Variants in ACSM5 observed in about 807,000 individuals in gnomAD.
The protein encoded by ACSM5 is acyl-CoA synthetase medium chain family member 5, also known as acyl-coenzyme A synthetase ACSM5, mitochondrial.
In ACSM5, 56 loss-of-function variants were observed where a neutral mutation model predicts 71.6. That is an observed-to-expected ratio of 0.78 (90% CI 0.63 to 0.98). The LOEUF is 0.98. Among genes scored for constraint, ACSM5 ranks in the 50% least tolerant of loss-of-function variants. The probability of loss-of-function intolerance (pLI) is 0.00; values close to 1 mark genes in which losing one functional copy is unlikely to be tolerated. For synonymous variants in ACSM5, 285 were observed against 281.5 expected (o/e 1.01, Z -0.12); for missense variants, 723 against 726.0 (o/e 1.00, Z 0.05).
At chr16:20,418,031 T>C (rs752448217) in intron 2 of ACSM5, 28 bp from the exon 3 acceptor site, 10 of 1,589,104 alleles carry the variant, frequency 6.3e-6, no homozygotes, top group Non-Finnish European at 7.7e-6. Flanking sequence ...AATTGCTTCT[T>C]TTTTTTTCTG....
At chr16:20,420,584 A>G (rs368222070) in intron 4 of ACSM5, among the ~76,000 whole-genome samples, 6 of 152,174 alleles carry the variant, frequency 3.9e-5, no homozygotes, top group Admixed American at 1.3e-4. Flanking sequence ...TGGGCAACAA[A>G]AGCGAAACAC....
intron 3 of ACSM5, 55 bp from the exon 4 acceptor site, chr16:20,419,173 T>C (rs1966866140): frequency 6.4e-7 from 1 of 1,573,222 alleles, no homozygotes; most frequent in African/African-American, 1.3e-5. Flanking sequence ...CTCTTACCTC[T>C]ATACCCAAGG....
At chr16:20,423,550 A>G (rs1415802379) in intron 5 of ACSM5, among the ~76,000 whole-genome samples, 2 of 152,232 alleles carry the variant, frequency 1.3e-5, no homozygotes, top group Non-Finnish European at 2.9e-5. Flanking sequence ...AAGGCCCTCA[A>G]AGCAAGACTA....
intron 5 of ACSM5, among the ~76,000 whole-genome samples, chr16:20,421,840 C>T (rs947116492): frequency 4.0e-5 from 6 of 151,406 alleles, no homozygotes; most frequent in Non-Finnish European, 5.9e-5. Context: ...GAACTGTGCC[C>T]CCATTACCCA....
Position 20,439,890 on chromosome 16 carries a change from G to A in ACSM5, c.1627G>A (p.Val543Met). ...TRELQEHVKR[V>M]TAPYKYPRKV... ...GGAACTCCAGGAGCATGTGAAAAGG[G>A]TGACTGCTCCATACAAATACCCCAG... The change falls in exon 13 of 14, where the codon GTG (valine) becomes ATG (methionine). Residue 543 changes from valine to methionine, a missense_variant. Physicochemically the swap from Val to Met is conservative, Grantham distance 21. Transcript: ENST00000331849. 1 of 1,612,434 alleles carries A rather than the reference G, an allele frequency of 6.2e-7. No individual in the cohort carries two copies. The highest frequency in any genetic ancestry group is 2.2e-5 in the East Asian group (1 of 44,890).
intron 10 of ACSM5, among the ~76,000 whole-genome samples, chr16:20,434,015 GTTTGT>G (rs1341677682): frequency 1.3e-5 from 2 of 151,964 alleles, no homozygotes; most frequent in African/African-American, 4.8e-5. Flanking sequence ...TCGGTCCTTT[GTTTGT>G]TTTAAGAGTT....
rs746828851 is a variant in ACSM5 at position 20,411,532 on chromosome 16, C to T, written c.48C>T (p.Ser16=). The change falls in exon 2 of 14, where the codon TCC becomes TCT. Residue 16 remains serine (S), a synonymous_variant. Transcript: ENST00000331849. ...RHLVLQALRN[S]RAFCGSHGKP... Reference sequence around the variant, plus strand: ...TAGTCCTCCAGGCACTGAGGAACTCCAGGGCATTCTGTGGGTCTCATGGGA... The same window carrying T: ...TAGTCCTCCAGGCACTGAGGAACTCTAGGGCATTCTGTGGGTCTCATGGGA... 2.6e-5 allele frequency: 42 copies of T among 1,614,056 alleles called. No individual in the cohort carries two copies. The highest frequency in any genetic ancestry group is 1.6e-4 in the Middle Eastern group (1 of 6,082).
chr16:20,440,079 G>A (rs1370521483), intron 13 of ACSM5, among the ~76,000 whole-genome samples, 160 bp downstream of exon 13: 1 of 151,620 alleles, frequency 6.6e-6, no homozygotes, highest in Non-Finnish European at 1.5e-5. Flanking sequence ...TTCTTCACTT[G>A]GATTCTCCCC....
intron 6 of ACSM5, among the ~76,000 whole-genome samples, chr16:20,425,945 C>T (rs1966970236): frequency 6.6e-6 from 1 of 152,154 alleles, no homozygotes; most frequent in African/African-American, 2.4e-5. Flanking sequence ...GATAGATGCC[C>T]AGAAGTGGGA....
Position 20,427,863 on chromosome 16 carries a change from A to T in ACSM5, c.997A>T (p.Thr333Ser). 1 of 1,612,906 alleles carries T rather than the reference A, an allele frequency of 6.2e-7. No individual in the cohort carries two copies. The highest frequency in any genetic ancestry group is 8.5e-7 in the Non-Finnish European group (1 of 1,178,984). ...IFRLLVQEDL[T>S]RYQFQSLRHC... ...TCGGCTGCTTGTGCAGGAGGATCTG[A>T]CCAGGTACAGCCCGTCTATTTCGTG... Residue 333 changes from threonine (T) to serine (S), a missense_variant, in exon 7 of 14, where the codon ACC (threonine) becomes TCC (serine). Physicochemically the swap from Thr to Ser is moderately conservative, Grantham distance 58. Transcript: ENST00000331849.
intron 2 of ACSM5, among the ~76,000 whole-genome samples, chr16:20,412,937 G>A (rs1343897355): frequency 6.6e-6 from 1 of 152,158 alleles, no homozygotes; most frequent in Non-Finnish European, 1.5e-5. Flanking sequence ...TATGAAGGTG[G>A]TATGAGGATG....
At chr16:20,416,163 T>A (rs530065236) in intron 2 of ACSM5, among the ~76,000 whole-genome samples, 2 of 151,978 alleles carry the variant, frequency 1.3e-5, no homozygotes, top group African/African-American at 4.8e-5. Context: ...ACACCCCAAA[T>A]TGAGCTGCAC....
At chr16:20,427,318 C>A (rs1967001922) in intron 6 of ACSM5, among the ~76,000 whole-genome samples, 1 of 152,028 alleles carries the variant, frequency 6.6e-6, no homozygotes, top group Non-Finnish European at 1.5e-5. Flanking sequence ...AAACAAAAAA[C>A]AAAACAAAAA....
chr16:20,419,252 C>T lies in ACSM5; in HGVS notation c.440C>T (p.Thr147Ile). The stretch of plus-strand genomic sequence containing the variant: ...GGGACTGTGATGATTCCGGGTGTGA[C>T]TCAGCTGACAGAGAAGGACCTCAAG... ...RTGTVMIPGV[T>I]QLTEKDLKYR... The change falls in exon 4 of 14, where the codon ACT (threonine) becomes ATT (isoleucine). Residue 147 changes from threonine (T) to isoleucine (I), a missense_variant. By Grantham distance (89) the Thr-to-Ile change is moderately conservative. Coordinates refer to ENST00000331849, the MANE Select transcript of ACSM5 (RefSeq NM_017888.3). 2.5e-6 allele frequency: 4 copies of T among 1,614,150 alleles called. No individual in the cohort carries two copies. Among genetic ancestry groups the T allele is most frequent in the Non-Finnish European group, 3.4e-6 (4 of 1,180,028 alleles).
chr16:20,428,686 C>G (rs1303754000), intron 7 of ACSM5, among the ~76,000 whole-genome samples: 2 of 152,108 alleles, frequency 1.3e-5, no homozygotes, highest in African/African-American at 4.8e-5. Flanking sequence ...GAAAATCATC[C>G]CATTCATTGA....
intron 10 of ACSM5, among the ~76,000 whole-genome samples, chr16:20,435,691 A>G (rs116082391): frequency 0.01 from 1,539 of 152,322 alleles, 21 homozygotes; most frequent in African/African-American, 0.035. Context: ...TTTAAAAAAG[A>G]ACTTCATGTA....
At chr16:20,409,870 GT>G (rs1966844098) in intron 1 of ACSM5, among the ~76,000 whole-genome samples, 2 of 84,426 alleles carry the variant, frequency 2.4e-5, no homozygotes, top group African/African-American at 9.5e-5. Flanking sequence ...TTCAGGAGAG[GT>G]GAGGGGCGGG....
At chr16:20,410,782 A>G (rs1214674503) in intron 1 of ACSM5, among the ~76,000 whole-genome samples, 1 of 152,102 alleles carries the variant, frequency 6.6e-6, no homozygotes, top group Admixed American at 6.5e-5. Context: ...AAAATTAAAA[A>G]GACACTAAAA....
chr16:20,417,406 T>A (rs959681230), intron 2 of ACSM5, among the ~76,000 whole-genome samples: 2 of 152,226 alleles, frequency 1.3e-5, no homozygotes, highest in Non-Finnish European at 2.9e-5. Context: ...TGCTATGACA[T>A]AGATAAATCT....
Sources: allele counts gnomAD v4.1 joint callset (sites outside exome capture counted in the v4.1 genomes callset), GRCh38; gene constraint gnomAD v4.1.1; transcripts MANE v1.5; gene names NCBI Gene and HGNC (gene_info 2026-07-23, HGNC 2026-07-21).